Variants in CACNB2 observed in about 807,000 individuals in gnomAD.
CACNB2 encodes calcium voltage-gated channel auxiliary subunit beta 2, also known as voltage-dependent L-type calcium channel subunit beta-2.
Under a neutral mutation model 73.3 loss-of-function variants are expected in CACNB2, and 42 were observed. That is an observed-to-expected ratio of 0.57 (90% CI 0.45 to 0.74). The LOEUF is 0.74. Among genes scored for constraint, CACNB2 ranks in the 30% least tolerant of loss-of-function variants. CACNB2 has a pLI of 0.00. For missense variants in CACNB2, 940 were observed against 853.0 expected, an observed-to-expected ratio of 1.10 and a Z score of -1.27; for synonymous variants, 348 against 310.3, an observed-to-expected ratio of 1.12 and a Z score of -1.28.
At chr10:18,310,616 AAAAAAAAAAAAAGT>A (rs1443477760) in intron 2 of CACNB2, among the ~76,000 whole-genome samples, 2 of 147,080 alleles carry the variant, frequency 1.4e-5, no homozygotes, top group East Asian at 2.0e-4. Flanking sequence ...AAAAAAAAAA[AAAAAAAAAAAAAGT>A]AAAAAAAAAA....
At chr10:18,311,427 T>C (rs1453615571) in intron 2 of CACNB2, among the ~76,000 whole-genome samples, 1 of 152,104 alleles carries the variant, frequency 6.6e-6, no homozygotes, top group East Asian at 1.9e-4. Context: ...GTTGACCCAT[T>C]GCACAGTTGG....
intron 2 of CACNB2, among the ~76,000 whole-genome samples, chr10:18,286,550 A>G (rs1270292460): frequency 6.9e-6 from 1 of 145,686 alleles, no homozygotes; most frequent in Non-Finnish European, 1.5e-5. Context: ...AAAAAAAAAA[A>G]AGGAACATTA....
intron 2 of CACNB2, among the ~76,000 whole-genome samples, chr10:18,290,784 C>T (rs988834736): frequency 1.2e-4 from 19 of 152,158 alleles, no homozygotes; most frequent in Admixed American, 7.2e-4. Context: ...GGCAGAGGTC[C>T]GCCTGTATAA....
At chr10:18,263,743 C>T (rs1040256156) in intron 2 of CACNB2, among the ~76,000 whole-genome samples, 1 of 152,146 alleles carries the variant, frequency 6.6e-6, no homozygotes, top group East Asian at 1.9e-4. Flanking sequence ...TAAGCTGTTG[C>T]TTTTATTAGG....
At chr10:18,183,268 A>G (rs912962274) in intron 2 of CACNB2, among the ~76,000 whole-genome samples, 7 of 152,314 alleles carry the variant, frequency 4.6e-5, no homozygotes, top group African/African-American at 1.7e-4. Flanking sequence ...GCAGACAGCT[A>G]TCATCAGGCT....
rs144342717 is a variant in CACNB2 at position 18,532,457 on chromosome 10, G to C, written c.1055-1619G>C. On this transcript the variant is annotated intron_variant, in intron 10 of 13. Transcript: ENST00000324631. ...GGGAGGCTAAGGCGGGAGATCACTTGAGGTCAGGAGTTTGAGACCAGCCTT... is the reference window on the plus strand; with the variant it reads ...GGGAGGCTAAGGCGGGAGATCACTTCAGGTCAGGAGTTTGAGACCAGCCTT... Among the ~76,000 whole-genome samples, 916 of 152,088 alleles carry C rather than the reference G, an allele frequency of 6.0e-3. 16 individuals carry two copies. Among genetic ancestry groups the C allele is most frequent in the African/African-American group, 0.021 (887 of 41,526 alleles).
chr10:18,462,137 G>A (rs998864494), intron 3 of CACNB2, among the ~76,000 whole-genome samples: 1 of 152,154 alleles, frequency 6.6e-6, no homozygotes, highest in Non-Finnish European at 1.5e-5. Flanking sequence ...TTTCTCCAGA[G>A]CTTTGTAAAA....
intron 3 of CACNB2, among the ~76,000 whole-genome samples, chr10:18,475,554 G>A (rs1248276237): frequency 1.3e-5 from 2 of 152,092 alleles, no homozygotes; most frequent in African/African-American, 2.4e-5. Context: ...GATGCTCACC[G>A]CTGGACCACA....
intron 2 of CACNB2, among the ~76,000 whole-genome samples, chr10:18,222,701 C>T (rs540372153): frequency 6.6e-6 from 1 of 152,228 alleles, no homozygotes; most frequent in East Asian, 1.9e-4. Flanking sequence ...CTTTGGGAGG[C>T]CGAGGTGAGT....
intron 3 of CACNB2, among the ~76,000 whole-genome samples, chr10:18,488,899 C>T (rs1049812792): frequency 2.0e-5 from 3 of 151,996 alleles, no homozygotes; most frequent in Non-Finnish European, 2.9e-5. Flanking sequence ...AATCTTCAGC[C>T]GGGTACGGTG....
chr10:18,430,616 T>G (rs1646000083), intron 3 of CACNB2, among the ~76,000 whole-genome samples: 1 of 152,058 alleles, frequency 6.6e-6, no homozygotes, highest in African/African-American at 2.4e-5. Context: ...GGCAACAGAG[T>G]GAGACCTTGT....
At chr10:18,476,198 A>G (rs1007300239) in intron 3 of CACNB2, among the ~76,000 whole-genome samples, 2 of 152,180 alleles carry the variant, frequency 1.3e-5, no homozygotes, top group Admixed American at 6.5e-5. Flanking sequence ...CATGGCATCT[A>G]TAAACTGTCC....
chr10:18,466,751 G>T (rs2047909787), intron 3 of CACNB2, among the ~76,000 whole-genome samples: 1 of 152,100 alleles, frequency 6.6e-6, no homozygotes, highest in Non-Finnish European at 1.5e-5. Context: ...ACAAGTTCCA[G>T]ACCCACAACT....
At chr10:18,259,559 AC>A (rs750258302) in intron 2 of CACNB2, among the ~76,000 whole-genome samples, 28,403 of 123,336 alleles carry the variant, frequency 0.23, 4,873 homozygotes, top group East Asian at 0.53. Flanking sequence ...AAAACAAAAA[AC>A]AAACAAAAAA....
intron 2 of CACNB2, among the ~76,000 whole-genome samples, chr10:18,205,512 C>T (rs1445807079): frequency 6.6e-6 from 1 of 152,226 alleles, no homozygotes; most frequent in African/African-American, 2.4e-5. Flanking sequence ...TGTGCCATGA[C>T]AGCTCTTTCT....
At chr10:18,187,384 G>A (rs1779240) in intron 2 of CACNB2, among the ~76,000 whole-genome samples, 120,887 of 152,112 alleles carry the variant, frequency 0.79, 48,095 homozygotes, top group African/African-American at 0.86. Context: ...TTCAGAATGT[G>A]CACTATGCAT....
chr10:18,482,572 AT>A (rs2048837578), intron 3 of CACNB2, among the ~76,000 whole-genome samples: 1 of 152,038 alleles, frequency 6.6e-6, no homozygotes, highest in South Asian at 2.1e-4. Flanking sequence ...GTGTAGTGGC[AT>A]GATCACGGTT....
In CACNB2 at chr10:18,514,398, C is replaced by A. The variant is rs143619059; in HGVS notation, c.804+29C>A. 4.7e-4 allele frequency: 758 copies of A among 1,614,060 alleles called. 4 individuals are homozygous for A. The African/African-American group carries it at 7.7e-3, about 16-fold the overall frequency. On this transcript the variant is annotated intron_variant, in intron 7 of 13. Transcript: ENST00000324631. ...ACATTAACTTCCAAGCTCCCATTGT[C>A]CACCTGCTCAACTGCACTGCGTCAC...
In CACNB2 at chr10:18,140,695, C is replaced by A. The variant is rs138094231; in HGVS notation, c.-42C>A. On this transcript the variant is annotated 5_prime_UTR_variant, in exon 1 of 14. Transcript: ENST00000324631. ...CGGGGGCGAGGAGGAGGGGACCCGC[C>A]GCCGGGGGCTGGCTGCTTCGCTCCG... The A allele has an allele frequency of 0.036, 55,613 of 1,559,106 alleles. 1,150 individuals are homozygous for A. Among genetic ancestry groups the A allele is most frequent in the African/African-American group, 0.061 (4,555 of 74,174 alleles).
Sources: gnomAD v4.1 joint callset for allele counts (sites outside exome capture counted in the v4.1 genomes callset) on GRCh38, gnomAD v4.1.1 for gene constraint, MANE v1.5 for transcripts, NCBI Gene and HGNC (gene_info 2026-07-23, HGNC 2026-07-21) for gene names.